C2orf78: variants seen among roughly 807,000 people sequenced by gnomAD.
C2orf78 encodes the protein chromosome 2 open reading frame 78, also known as uncharacterized protein C2orf78.
Under a neutral mutation model 21.4 loss-of-function variants are expected in C2orf78, and 12 were observed. The observed-to-expected ratio is 0.56, with a 90% CI of 0.36 to 0.91. The LOEUF is 0.91. Among genes scored for constraint, C2orf78 ranks in the 40% least tolerant of loss-of-function variants. The pLI is 0.01. For missense variants in C2orf78, 1,042 were observed against 1,092.4 expected (o/e 0.95, Z 0.65); for synonymous variants, 396 against 413.9 (o/e 0.96, Z 0.52).
exon 3 of C2orf78, chr2:73,815,508 G>C (rs1328393388): frequency 6.2e-7 from 1 of 1,613,836 alleles, no homozygotes; most frequent in African/African-American, 1.3e-5. Flanking sequence ...TGAGGACCAA[G>C]GGATATTTGA....
exon 3 of C2orf78, chr2:73,816,868 T>G: frequency 6.2e-7 from 1 of 1,613,882 alleles, no homozygotes; most frequent in South Asian, 1.1e-5. Flanking sequence ...CGTGAGGCCA[T>G]GAAGAGAAAG....
intron 1 of C2orf78, among the ~76,000 whole-genome samples, chr2:73,811,469 C>G (rs868217143): frequency 1.3e-5 from 2 of 152,138 alleles, no homozygotes; most frequent in Non-Finnish European, 2.9e-5. Flanking sequence ...TTATTTGCAT[C>G]AGAAGAACAA....
At chr2:73,808,536 T>C (rs1673005912) in intron 1 of C2orf78, among the ~76,000 whole-genome samples, 1 of 150,190 alleles carries the variant, frequency 6.7e-6, no homozygotes. Flanking sequence ...ATGTCTGTCT[T>C]GCAGATTTCA....
rs1279088650 is a variant in C2orf78 at position 73,815,113 on chromosome 2, A to T, written c.890A>T (p.Gln297Leu). ...GGGATGGATACTTCCCTGGGATTGC[A>T]ATCTCCAAGCCAGACATTTTGTCTG... Residue 297 changes from glutamine to leucine, a missense_variant, in exon 3 of 3, where the codon CAA (glutamine) becomes CTA (leucine). By Grantham distance (113) the Gln-to-Leu change is moderately radical. Coordinates refer to ENST00000409561, the Ensembl canonical transcript of C2orf78. The T allele has an allele frequency of 5.0e-6, 8 of 1,613,696 alleles. No homozygotes were observed. In the African/African-American group the frequency reaches 8.0e-5, roughly 16 times the overall value.
At chr2:73,784,603 A>T (rs529040698) in intron 1 of C2orf78, among the ~76,000 whole-genome samples, 197 bp downstream of exon 1, 1 of 151,486 alleles carries the variant, frequency 6.6e-6, no homozygotes, top group East Asian at 1.9e-4. Context: ...CTCTCACAAA[A>T]TCTGTTTCCT....
chr2:73,808,877 G>A (rs1162886608), intron 1 of C2orf78: 1 of 1,281,212 alleles, frequency 7.8e-7, no homozygotes, highest in South Asian at 1.3e-5. Flanking sequence ...TGCAGTTGAT[G>A]TTTCTTCTTC....
intron 1 of C2orf78, among the ~76,000 whole-genome samples, chr2:73,784,645 T>A (rs951710676): frequency 2.6e-5 from 4 of 151,276 alleles, no homozygotes; most frequent in Non-Finnish European, 5.9e-5. Flanking sequence ...AGACTGGTTA[T>A]TCCCCCTGGC....
At chr2:73,816,968 T>C (rs549195445) in exon 3 of C2orf78, 9 of 1,610,116 alleles carry the variant, frequency 5.6e-6, no homozygotes, top group Non-Finnish European at 8.5e-7. Flanking sequence ...TGGAAATTGC[T>C]GAATACTATG....
chr2:73,808,992 G>C (rs1255249600), intron 1 of C2orf78: 1 of 548,452 alleles, frequency 1.8e-6, no homozygotes, highest in Admixed American at 3.1e-5. Context: ...AAACAGCTTG[G>C]AATAACAGGG....
chr2:73,815,340 C>T, exon 3 of C2orf78: 1 of 1,613,992 alleles, frequency 6.2e-7, no homozygotes, highest in Non-Finnish European at 8.5e-7. Flanking sequence ...TTCAAAGCCT[C>T]TAGATGTCCA....
exon 1 of C2orf78, chr2:73,784,198 C>G (rs562595304): frequency 2.0e-6 from 3 of 1,504,080 alleles, no homozygotes; most frequent in East Asian, 2.6e-5. Context: ...CCCACCAAAC[C>G]GACCACCACC....
intron 1 of C2orf78, among the ~76,000 whole-genome samples, chr2:73,786,077 G>GT (rs993586149): frequency 6.6e-6 from 1 of 151,730 alleles, no homozygotes; most frequent in African/African-American, 2.4e-5. Flanking sequence ...AGAGAAATAT[G>GT]TTTTAGAAAT....
chr2:73,811,102 C>T (rs1289165713), intron 1 of C2orf78, among the ~76,000 whole-genome samples: 2 of 151,086 alleles, frequency 1.3e-5, no homozygotes, highest in Admixed American at 6.6e-5. Flanking sequence ...ATCAGCCTGG[C>T]CAACATGGTG....
exon 3 of C2orf78, chr2:73,816,324 G>C: frequency 6.2e-7 from 1 of 1,613,864 alleles, no homozygotes; most frequent in Non-Finnish European, 8.5e-7. Context: ...TGCTGAAAAA[G>C]AGTGTACATC....
chr2:73,810,865 T>C (rs1377667604), intron 1 of C2orf78, among the ~76,000 whole-genome samples: 1 of 138,324 alleles, frequency 7.2e-6, no homozygotes, highest in Non-Finnish European at 1.5e-5. Context: ...ATATATAATA[T>C]ACATATAAAT....
At chr2:73,815,603 A>G in exon 3 of C2orf78, 2 of 1,614,032 alleles carry the variant, frequency 1.2e-6, no homozygotes, top group Non-Finnish European at 1.7e-6. Context: ...TCAGTTCCTT[A>G]CAAGATCTTG....
chr2:73,809,712 A>C (rs1673034214), intron 1 of C2orf78, among the ~76,000 whole-genome samples: 1 of 152,126 alleles, frequency 6.6e-6, no homozygotes, highest in Non-Finnish European at 1.5e-5. Context: ...TGAGCCCAGG[A>C]GGTTGAGGCT....
intron 1 of C2orf78, among the ~76,000 whole-genome samples, chr2:73,809,083 T>G (rs1055779002): frequency 6.6e-6 from 1 of 152,212 alleles, no homozygotes; most frequent in Non-Finnish European, 1.5e-5. Context: ...TAGATAACTT[T>G]TATTCTCTCA....
At chr2:73,785,447 GA>G (rs1672906736) in intron 1 of C2orf78, among the ~76,000 whole-genome samples, 1 of 137,502 alleles carries the variant, frequency 7.3e-6, no homozygotes, top group Non-Finnish European at 1.6e-5. Context: ...TAAGCAGAAA[GA>G]CATGGTCCCC....
Sources: allele counts gnomAD v4.1 joint callset (sites outside exome capture counted in the v4.1 genomes callset), GRCh38; gene constraint gnomAD v4.1.1; transcripts MANE v1.5; gene names NCBI Gene and HGNC (gene_info 2026-07-23, HGNC 2026-07-21).